The following USP53 variants were observed in gnomAD, a reference collection of about 807,000 sequenced individuals.
USP53 encodes ubiquitin specific peptidase 53.
A neutral mutation model predicts 94.9 loss-of-function variants in USP53; 71 were observed. That is an observed-to-expected ratio of 0.75 (90% CI 0.62 to 0.91). USP53 has a LOEUF of 0.91. USP53 is among the 40% of genes least tolerant of loss of function. USP53 has a pLI of 0.00. For missense variants in USP53, 1,173 were observed against 1,281.0 expected (o/e 0.92, Z 1.29); for synonymous variants, 375 against 422.7 (o/e 0.89, Z 1.39).
At chr4:119,287,496 A>T (rs1343449175) in intron 17 of USP53, among the ~76,000 whole-genome samples, 4 of 152,174 alleles carry the variant, frequency 2.6e-5, no homozygotes, top group Non-Finnish European at 4.4e-5. Context: ...TATCTAAGAT[A>T]AAGAACACTT....
At chr4:119,218,182 T>A (rs1744052202) in intron 3 of USP53, 1 of 152,204 alleles carries the variant, frequency 6.6e-6, no homozygotes, top group Non-Finnish European at 1.5e-5. Flanking sequence ...ATATTTGTTC[T>A]CAGCAACTGG....
chr4:119,244,881 C>T (rs1237991808), intron 5 of USP53, among the ~76,000 whole-genome samples: 2 of 152,180 alleles, frequency 1.3e-5, no homozygotes, highest in African/African-American at 4.8e-5. Context: ...CCTCTGCTCA[C>T]CCCTTTTTCT....
intron 6 of USP53, among the ~76,000 whole-genome samples, chr4:119,248,222 T>A (rs1296847256): frequency 1.4e-5 from 2 of 145,768 alleles, no homozygotes; most frequent in African/African-American, 5.7e-5. Context: ...GAATGATGTT[T>A]CCAGTTTCTT....
At chr4:119,226,403 C>G (rs1745254193) in intron 3 of USP53, among the ~76,000 whole-genome samples, 1 of 152,166 alleles carries the variant, frequency 6.6e-6, no homozygotes, top group Non-Finnish European at 1.5e-5. Context: ...TATACAATAG[C>G]TCCTAGAACT....
intron 15 of USP53, among the ~76,000 whole-genome samples, chr4:119,270,159 A>G (rs962356463): frequency 3.3e-5 from 5 of 151,364 alleles, no homozygotes; most frequent in African/African-American, 7.3e-5. Flanking sequence ...CAGTGACACA[A>G]TCATAGCTCT....
intron 12 of USP53, among the ~76,000 whole-genome samples, chr4:119,264,835 TA>T (rs1367416506): frequency 6.6e-6 from 1 of 152,232 alleles, no homozygotes; most frequent in Non-Finnish European, 1.5e-5. Context: ...TAAGTCCATG[TA>T]AAACGTGTAC....
upstream of USP53, chr4:119,212,675 T>G (rs1286379579): frequency 5.8e-6 from 2 of 347,142 alleles, no homozygotes; most frequent in African/African-American, 4.3e-5. Context: ...GCTCACAGGG[T>G]CGGGCTCTGG....
intron 18 of USP53, 83 bp from the exon 19 acceptor site, chr4:119,292,255 A>C: frequency 1.5e-6 from 2 of 1,374,796 alleles, no homozygotes; most frequent in Non-Finnish European, 1.9e-6. Flanking sequence ...GGAAAATCAA[A>C]CTACAAAACA....
At chr4:119,216,464 G>C (rs977309916) in intron 2 of USP53, among the ~76,000 whole-genome samples, 12 of 151,384 alleles carry the variant, frequency 7.9e-5, no homozygotes, top group African/African-American at 2.9e-4. Flanking sequence ...CTCTGTTGCT[G>C]ACACTTACTT....
chr4:119,233,635 C>T (rs554150294), intron 3 of USP53, among the ~76,000 whole-genome samples: 10 of 152,200 alleles, frequency 6.6e-5, no homozygotes, highest in South Asian at 2.1e-4. Context: ...GTTAACCCAT[C>T]GGATTTTTTA....
chr4:119,247,389 A>G (rs1257643085), intron 6 of USP53, among the ~76,000 whole-genome samples: 1 of 152,096 alleles, frequency 6.6e-6, no homozygotes, highest in Non-Finnish European at 1.5e-5. Context: ...CATGGCTAAC[A>G]CCCTTATTTC....
chr4:119,244,817 C>T (rs375123834), intron 5 of USP53, among the ~76,000 whole-genome samples: 239 of 152,146 alleles, frequency 1.6e-3, no homozygotes, highest in African/African-American at 5.6e-3. Context: ...CTATGCTGTA[C>T]CCCCATTACC....
At position 119,294,958 on chromosome 4, in the gene USP53, C is replaced by T. The variant is rs192658163; in HGVS notation, c.*1747C>T. ...GTTTGTAAACCTGTATTTAAAATAC[C>T]AAAGTTTTTCTTCTTTTATAACATT... On this transcript the variant is annotated 3_prime_UTR_variant, in exon 19 of 19. Transcript: ENST00000692078. The T allele has an allele frequency of 1.3e-5, 2 of 151,508 alleles. No homozygotes were observed. Among genetic ancestry groups the T allele is most frequent in the Middle Eastern group, 3.4e-3 (1 of 290 alleles). 9.4% of individuals were successfully genotyped at this position (151,508 alleles called of 1,614,324 possible). A position where few individuals can be genotyped will look rare whatever the true frequency, so the allele number is the denominator to read the frequency against.
intron 12 of USP53, among the ~76,000 whole-genome samples, chr4:119,262,478 C>T (rs914462636): frequency 6.6e-6 from 1 of 150,804 alleles, no homozygotes; most frequent in Non-Finnish European, 1.5e-5. Context: ...AACACATATT[C>T]TGTATGTTCT....
At chr4:119,282,411 G>A (rs1323201467) in intron 17 of USP53, among the ~76,000 whole-genome samples, 1 of 152,002 alleles carries the variant, frequency 6.6e-6, no homozygotes, top group African/African-American at 2.4e-5. Flanking sequence ...TACAGCAGCT[G>A]CACCATTTTA....
In USP53 at chr4:119,291,274, T is replaced by C. The variant is rs774470856; in HGVS notation, c.2348+13T>C. On this transcript the variant is annotated intron_variant, in intron 18 of 18. Coordinates refer to ENST00000692078, the MANE Select transcript of USP53 (RefSeq NM_001371395.1). ...ATTTGATAAAAAGGTAACCATATTT[T>C]TTTTCCCTAAATACATGTATTATAG... The C allele has an allele frequency of 7.7e-6, 12 of 1,551,864 alleles. No homozygotes were observed. The African/African-American group carries it at 8.3e-5, about 11-fold the overall frequency.
At chr4:119,268,697 T>G (rs1751487087) in intron 14 of USP53, among the ~76,000 whole-genome samples, 1 of 152,228 alleles carries the variant, frequency 6.6e-6, no homozygotes, top group Admixed American at 6.5e-5. Context: ...TGGCATTTCA[T>G]TCAAGGAGTT....
intron 6 of USP53, among the ~76,000 whole-genome samples, chr4:119,247,818 T>G (rs967226368): frequency 5.3e-5 from 8 of 152,228 alleles, no homozygotes; most frequent in African/African-American, 1.9e-4. Context: ...TTACTATTCA[T>G]AATTTTAGCT....
At chr4:119,230,443 A>G (rs2149296768) in intron 3 of USP53, among the ~76,000 whole-genome samples, 1 of 152,242 alleles carries the variant, frequency 6.6e-6, no homozygotes, top group East Asian at 1.9e-4. Flanking sequence ...AGTGTTTACA[A>G]TGTGCCTTTC....
Sources: allele counts gnomAD v4.1 joint callset (sites outside exome capture counted in the v4.1 genomes callset), GRCh38; gene constraint gnomAD v4.1.1; transcripts MANE v1.5; gene names NCBI Gene and HGNC (gene_info 2026-07-23, HGNC 2026-07-21).